The following RALGAPB variants were observed in gnomAD, a reference collection of about 807,000 sequenced individuals.
RALGAPB encodes ral GTPase-activating protein subunit beta.
A neutral mutation model predicts 161.1 loss-of-function variants in RALGAPB; 25 were observed. The observed-to-expected ratio is 0.16, with a 90% CI of 0.11 to 0.22. The LOEUF (loss-of-function observed/expected upper bound fraction) is 0.22. Among genes scored for constraint, RALGAPB ranks in the 10% least tolerant of loss-of-function variants. The pLI is 1.00. For missense variants in RALGAPB, 1,391 were observed against 1,815.2 expected, an observed-to-expected ratio of 0.77 and a Z score of 4.25; for synonymous variants, 629 against 626.1, an observed-to-expected ratio of 1.00 and a Z score of -0.07.
At chr20:38,534,335 C>G (rs2086742691) in intron 15 of RALGAPB, 1 of 152,572 alleles carries the variant, frequency 6.6e-6, no homozygotes, top group African/African-American at 2.4e-5. Context: ...ATGAGTGTCT[C>G]TCTTTAATGA....
intron 20 of RALGAPB, among the ~76,000 whole-genome samples, chr20:38,549,533 TA>T (rs66699514): frequency 0.012 from 1,728 of 138,548 alleles, 32 homozygotes; most frequent in African/African-American, 0.035. Context: ...CCAGCCTAAT[TA>T]AAAAAAAAAA....
intron 9 of RALGAPB, among the ~76,000 whole-genome samples, chr20:38,520,760 G>A (rs1213418046): frequency 6.6e-6 from 1 of 152,066 alleles, no homozygotes; most frequent in East Asian, 1.9e-4. Flanking sequence ...AGATTTCAGA[G>A]TGATTTTCAA....
chr20:38,570,407 A>G (rs6070643), intron 27 of RALGAPB, among the ~76,000 whole-genome samples: 17,760 of 152,032 alleles, frequency 0.12, 2,841 homozygotes, highest in African/African-American at 0.36. Flanking sequence ...TAAGAGTTGC[A>G]CTCTGGGTAA....
At chr20:38,543,460 T>G (rs1006001817) in intron 18 of RALGAPB, among the ~76,000 whole-genome samples, 4 of 152,226 alleles carry the variant, frequency 2.6e-5, no homozygotes, top group African/African-American at 9.6e-5. Flanking sequence ...CTCTTAGCCC[T>G]TCTTGTTCAT....
At chr20:38,540,293 G>A (rs1230650844) in intron 17 of RALGAPB, among the ~76,000 whole-genome samples, 2 of 152,188 alleles carry the variant, frequency 1.3e-5, no homozygotes, top group Non-Finnish European at 2.9e-5. Flanking sequence ...ACAAAGAAGG[G>A]CAGATGATTG....
chr20:38,476,910 A>G (rs2084818747), intron 1 of RALGAPB, among the ~76,000 whole-genome samples: 1 of 152,240 alleles, frequency 6.6e-6, no homozygotes, highest in Non-Finnish European at 1.5e-5. Flanking sequence ...AACGCATATC[A>G]CTTTCACACC....
At chr20:38,486,430 T>C (rs1266023315) in intron 1 of RALGAPB, among the ~76,000 whole-genome samples, 1 of 152,220 alleles carries the variant, frequency 6.6e-6, no homozygotes, top group African/African-American at 2.4e-5. Context: ...TTTTGATTGG[T>C]CTTTCATAAG....
At chr20:38,526,406 T>C (rs1261530661) in intron 13 of RALGAPB, among the ~76,000 whole-genome samples, 1 of 152,032 alleles carries the variant, frequency 6.6e-6, no homozygotes, top group African/African-American at 2.4e-5. Flanking sequence ...CTCCTGCCTC[T>C]TCCTCTTCTT....
intron 23 of RALGAPB, among the ~76,000 whole-genome samples, chr20:38,560,470 G>T (rs1315433610): frequency 2.6e-5 from 4 of 152,178 alleles, no homozygotes; most frequent in Non-Finnish European, 5.9e-5. Flanking sequence ...ATTTCTTCAT[G>T]AATTTCATTA....
intron 1 of RALGAPB, among the ~76,000 whole-genome samples, chr20:38,476,544 C>T (rs1034070366): frequency 9.2e-5 from 14 of 152,092 alleles, no homozygotes; most frequent in Non-Finnish European, 1.8e-4. Context: ...TTGTGTTTGC[C>T]TGTCTGTGTG....
intron 2 of RALGAPB, among the ~76,000 whole-genome samples, chr20:38,490,909 T>C (rs1295428558): frequency 6.6e-6 from 1 of 152,236 alleles, no homozygotes; most frequent in Admixed American, 6.5e-5. Context: ...CCTCCCAAAG[T>C]GCTGGGATTA....
At chr20:38,535,424 T>C (rs964459949) in intron 16 of RALGAPB, among the ~76,000 whole-genome samples, 1 of 152,252 alleles carries the variant, frequency 6.6e-6, no homozygotes, top group Non-Finnish European at 1.5e-5. Context: ...ATGAGATTTT[T>C]ACCGTTAAAT....
chr20:38,522,234 TA>T (rs1568938684), intron 10 of RALGAPB, among the ~76,000 whole-genome samples: 1 of 152,238 alleles, frequency 6.6e-6, no homozygotes, highest in East Asian at 1.9e-4. Flanking sequence ...GCTGGACTTA[TA>T]AAGGATGAGT....
At chr20:38,573,176 C>T (rs185468286) in intron 28 of RALGAPB, among the ~76,000 whole-genome samples, 1 of 152,072 alleles carries the variant, frequency 6.6e-6, no homozygotes, top group East Asian at 1.9e-4. Flanking sequence ...AAGTGATCCT[C>T]CTGCCTCGGC....
At chr20:38,529,109 T>C (rs1467035295) in intron 13 of RALGAPB, among the ~76,000 whole-genome samples, 2 of 152,200 alleles carry the variant, frequency 1.3e-5, no homozygotes, top group Non-Finnish European at 2.9e-5. Flanking sequence ...ATATAACTTT[T>C]TGATTCCCTA....
At chr20:38,505,133 A>G (rs537496725) in intron 5 of RALGAPB, among the ~76,000 whole-genome samples, 2 of 152,310 alleles carry the variant, frequency 1.3e-5, no homozygotes, top group South Asian at 2.1e-4. Flanking sequence ...GCACTTTTAT[A>G]TATTGCAGCA....
chr20:38,493,014 A>G lies in RALGAPB; in HGVS notation c.271A>G (p.Thr91Ala), dbSNP rs1568908059. 6.2e-7 allele frequency: 1 copy of G among 1,611,638 alleles called. No homozygotes were observed. Among genetic ancestry groups the G allele is most frequent in the Admixed American group, 1.7e-5 (1 of 60,018 alleles). The change falls in exon 3 of 30, where the codon ACA becomes GCA. Residue 91 changes from threonine (T) to alanine (A), a missense_variant. Physicochemically the swap from Thr to Ala is moderately conservative, Grantham distance 58. Around this residue, in one of 3 missense-constraint regions of RALGAPB, gnomAD observed 946 missense variants for 1,257.2 expected, o/e 0.75. Transcript: ENST00000262879. ...TGTAAAATATTGCGTTGATGTATATACAGACTGGATTATGGCTTTAGTGTT... is the reference window on the plus strand; with the variant it reads ...TGTAAAATATTGCGTTGATGTATATGCAGACTGGATTATGGCTTTAGTGTT... The part of the protein sequence containing the change: ...ETVKYCVDVY[T>A]DWIMALVLPK...
intron 10 of RALGAPB, among the ~76,000 whole-genome samples, chr20:38,524,217 T>G (rs1479502402): frequency 1.3e-5 from 2 of 152,200 alleles, no homozygotes; most frequent in East Asian, 3.8e-4. Flanking sequence ...CAGGTGACCT[T>G]CATGATGAAT....
intron 2 of RALGAPB, among the ~76,000 whole-genome samples, chr20:38,491,431 C>T (rs1470671048): frequency 6.6e-6 from 1 of 152,034 alleles, no homozygotes; most frequent in Non-Finnish European, 1.5e-5. Flanking sequence ...TCTACTGTTA[C>T]TCTGTCATGT....
Sources: gnomAD v4.1 joint callset for allele counts (sites outside exome capture counted in the v4.1 genomes callset) on GRCh38, gnomAD v4.1.1 for gene constraint, gnomAD v4.1.1 regional missense constraint, MANE v1.5 for transcripts, NCBI Gene and HGNC (gene_info 2026-07-23, HGNC 2026-07-21) for gene names.